The following TNR variants were observed in gnomAD, a reference collection of about 807,000 sequenced individuals.
TNR encodes the protein tenascin-R.
In TNR, 45 loss-of-function variants were observed where a neutral mutation model predicts 150.4. The ratio of observed to expected loss-of-function variants is 0.30; its 90% CI spans 0.24 to 0.38. The LOEUF is 0.38. Ranked by LOEUF, TNR falls within the 10% of genes least tolerant of loss-of-function variation. The pLI is 1.00. For missense variants in TNR, 1,544 were observed against 1,759.1 expected (o/e 0.88, Z 2.19); for synonymous variants, 687 against 678.4 (o/e 1.01, Z -0.20).
chr1:175,456,567 A>T (rs945672220), intron 2 of TNR, among the ~76,000 whole-genome samples: 5 of 152,232 alleles, frequency 3.3e-5, no homozygotes, highest in Non-Finnish European at 5.9e-5. Context: ...AATGAAATAT[A>T]GTCTCAAAAT....
intron 2 of TNR, among the ~76,000 whole-genome samples, chr1:175,444,631 TACAGTGTAAATA>T (rs1020302772): frequency 2.0e-5 from 3 of 152,214 alleles, no homozygotes; most frequent in Non-Finnish European, 2.9e-5. Flanking sequence ...TGGCTAGAAT[TACAGTGTAAATA>T]ATACAGGCAC....
chr1:175,426,715 C>T (rs945765587), intron 2 of TNR, among the ~76,000 whole-genome samples: 1 of 149,476 alleles, frequency 6.7e-6, no homozygotes, highest in Non-Finnish European at 1.5e-5. Flanking sequence ...ATACCTAATA[C>T]ATCTGTAATT....
At chr1:175,402,313 CAAAAAAAAAAAA>C (rs149037374) in intron 4 of TNR, among the ~76,000 whole-genome samples, 2 of 41,694 alleles carry the variant, frequency 4.8e-5, no homozygotes, top group Non-Finnish European at 8.3e-5. Context: ...GACTCCGTCT[CAAAAAAAAAAAA>C]AAAAAAAAAA....
At chr1:175,482,309 A>T (rs1291671141) in intron 2 of TNR, among the ~76,000 whole-genome samples, 1 of 152,236 alleles carries the variant, frequency 6.6e-6, no homozygotes, top group Non-Finnish European at 1.5e-5. Flanking sequence ...GAAAAAAATG[A>T]AAACAGCTCT....
At chr1:175,340,823 T>C (rs1571314276) in intron 18 of TNR, among the ~76,000 whole-genome samples, 1 of 152,186 alleles carries the variant, frequency 6.6e-6, no homozygotes, top group Admixed American at 6.5e-5. Context: ...CTTGTGGCTG[T>C]GTGGATGAAT....
chr1:175,565,812 T>G (rs1183702100), intron 1 of TNR, among the ~76,000 whole-genome samples: 3 of 152,196 alleles, frequency 2.0e-5, no homozygotes, highest in African/African-American at 7.2e-5. Context: ...TTATGGTGTA[T>G]CATACAATGA....
chr1:175,702,522 G>C (rs938030722), intron 1 of TNR, among the ~76,000 whole-genome samples: 1 of 152,220 alleles, frequency 6.6e-6, no homozygotes, highest in Admixed American at 6.5e-5. Context: ...GCAGGAAAAC[G>C]AATATGAGGG....
At chr1:175,376,860 T>TATATATATC (rs1553211469) in intron 9 of TNR, among the ~76,000 whole-genome samples, 1 of 113,708 alleles carries the variant, frequency 8.8e-6, no homozygotes. Context: ...AAATGTAATA[T>TATATATATC]TATATATATA....
intron 2 of TNR, among the ~76,000 whole-genome samples, chr1:175,464,212 T>C (rs1230626636): frequency 6.6e-6 from 1 of 152,176 alleles, no homozygotes; most frequent in African/African-American, 2.4e-5. Flanking sequence ...CCCAATTGCA[T>C]TAAACTCAGC....
At chr1:175,343,526 C>T in intron 18 of TNR, among the ~76,000 whole-genome samples, 1 of 152,150 alleles carries the variant, frequency 6.6e-6, no homozygotes, top group East Asian at 1.9e-4. Flanking sequence ...GAAGTCAGCT[C>T]TTTACACTGT....
At position 175,419,439 on chromosome 1, in the gene TNR, A is replaced by C. The variant is rs76349295; in HGVS notation, c.-63-12662T>G. ...GGTTCCCAAAGTTCGTGTGGGATCC[A>C]TATAGGTTATTAAAAAAACCCACTA... On this transcript the variant is annotated intron_variant, in intron 2 of 22. Coordinates refer to ENST00000367674, the MANE Select transcript of TNR (RefSeq NM_003285.3). 6.3e-3 allele frequency among the ~76,000 whole-genome samples: 958 copies of C among 152,204 alleles called. 9 individuals are homozygous for C. The highest frequency in any genetic ancestry group is 0.022 in the African/African-American group (910 of 41,522).
At chr1:175,391,526 A>C in intron 6 of TNR, 88 bp from the exon 7 acceptor site, 1 of 1,398,312 alleles carries the variant, frequency 7.2e-7, no homozygotes, top group Non-Finnish European at 9.7e-7. Flanking sequence ...TGGAATACTA[A>C]TTGTGGATTG....
In TNR at chr1:175,330,007, G is replaced by A. The variant is rs141634879; in HGVS notation, c.3793+67C>T. 8.9e-5 allele frequency: 125 copies of A among 1,403,982 alleles called. No individual in the cohort carries two copies. In the African/African-American group the frequency reaches 1.3e-3, roughly 15 times the overall value. 87.0% of individuals were successfully genotyped at this position (1,403,982 alleles called of 1,614,324 possible). On this transcript the variant is annotated intron_variant, in intron 21 of 22. Coordinates refer to ENST00000367674, the MANE Select transcript of TNR (RefSeq NM_003285.3). The stretch of plus-strand genomic sequence containing the variant: ...GCTGCTGCTTCCTGAGGCAGCTTAC[G>A]CCTAGAATCTGGGGGCTCTTGTCCC...
intron 1 of TNR, among the ~76,000 whole-genome samples, chr1:175,710,182 G>A (rs1666968278): frequency 1.3e-5 from 2 of 152,114 alleles, no homozygotes; most frequent in African/African-American, 4.8e-5. Flanking sequence ...TACTGACATT[G>A]TCTAGGAAAG....
At chr1:175,712,928 T>C (rs1667057389) in intron 1 of TNR, among the ~76,000 whole-genome samples, 1 of 152,006 alleles carries the variant, frequency 6.6e-6, no homozygotes, top group Non-Finnish European at 1.5e-5. Context: ...CCTATTGCAG[T>C]GGGGGCATAA....
At chr1:175,464,630 G>A (rs1656953454) in intron 2 of TNR, among the ~76,000 whole-genome samples, 1 of 152,162 alleles carries the variant, frequency 6.6e-6, no homozygotes, top group Non-Finnish European at 1.5e-5. Context: ...GAACAGAAAG[G>A]TTGTAAGTAT....
At chr1:175,618,287 G>A (rs1663845475) in intron 1 of TNR, among the ~76,000 whole-genome samples, 1 of 152,216 alleles carries the variant, frequency 6.6e-6, no homozygotes. Context: ...TGATTAAGGA[G>A]TAATGGCATG....
At chr1:175,656,844 G>T (rs1349672980) in intron 1 of TNR, among the ~76,000 whole-genome samples, 1 of 152,146 alleles carries the variant, frequency 6.6e-6, no homozygotes, top group African/African-American at 2.4e-5. Flanking sequence ...TGTGGTGTGT[G>T]CATGTTGTGT....
chr1:175,409,211 T>G (rs1368396455), intron 2 of TNR, among the ~76,000 whole-genome samples: 6 of 152,234 alleles, frequency 3.9e-5, no homozygotes, highest in Non-Finnish European at 8.8e-5. Flanking sequence ...TCTTTCTTAT[T>G]GAATCCAAGT....
Sources: allele counts gnomAD v4.1 joint callset (sites outside exome capture counted in the v4.1 genomes callset), GRCh38; gene constraint gnomAD v4.1.1; transcripts MANE v1.5; gene names NCBI Gene and HGNC (gene_info 2026-07-23, HGNC 2026-07-21).